The following ABLIM1 variants were observed in gnomAD, a reference collection of about 807,000 sequenced individuals.
The protein encoded by ABLIM1 is actin binding LIM protein 1, also known as actin-binding LIM protein 1.
ABLIM1 carries 40 observed loss-of-function variants against 107.0 expected under a neutral mutation model. The observed-to-expected ratio is 0.37, with a 90% CI of 0.29 to 0.49. The LOEUF (loss-of-function observed/expected upper bound fraction) is 0.49, where lower values mean the gene tolerates loss of function less well. ABLIM1 is among the 20% of genes least tolerant of loss of function. The pLI, the probability that ABLIM1 is intolerant of heterozygous loss-of-function variation, is 0.97. For missense variants in ABLIM1, 857 were observed against 1,008.5 expected, an observed-to-expected ratio of 0.85 and a Z score of 2.04; for synonymous variants, 357 against 357.3, an observed-to-expected ratio of 1.00 and a Z score of 0.01.
At chr10:114,481,917 T>C (rs2057435486) in intron 8 of ABLIM1, among the ~76,000 whole-genome samples, 1 of 152,240 alleles carries the variant, frequency 6.6e-6, no homozygotes, top group African/African-American at 2.4e-5. Context: ...ATTAGCTCCT[T>C]TAAAAATATA....
Position 114,526,231 on chromosome 10 carries a change from T to TC in ABLIM1, c.894+18773dup, listed in dbSNP as rs564021245. Among the ~76,000 whole-genome samples, 397 of 151,792 alleles carry TC rather than the reference T, an allele frequency of 2.6e-3. 4 individuals carry two copies. Among genetic ancestry groups the TC allele is most frequent in the African/African-American group, 9.3e-3 (385 of 41,340 alleles). On this transcript the variant is annotated intron_variant, in intron 6 of 22. Transcript: ENST00000533213. The stretch of plus-strand genomic sequence containing the variant: ...CCCACGTGCCACTTCCACCACCAAA[T>TC]CCCCCAAACAGGACTCAAATGTAAA...
intron 1 of ABLIM1, among the ~76,000 whole-genome samples, chr10:114,615,748 T>C (rs1488286407): frequency 6.6e-6 from 1 of 152,078 alleles, no homozygotes; most frequent in Non-Finnish European, 1.5e-5. Flanking sequence ...AGTTAGGTAA[T>C]TTGAATGATG....
Position 114,658,171 on chromosome 10 carries a change from C to T in ABLIM1, c.30G>A (p.Leu10=). Residue 10 remains leucine (L), a synonymous_variant, in exon 1 of 23, where the codon CTG becomes CTA. Coordinates refer to ENST00000533213, the MANE Select transcript of ABLIM1 (RefSeq NM_002313.7). MPAFLGLKC[L]GKLCSSEKSK... ...TTTTCTCAGAGCTGCACAATTTCCCCAGACACTTTAGACCAAGGAAGGCAG... is the reference window on the plus strand; with the variant it reads ...TTTTCTCAGAGCTGCACAATTTCCCTAGACACTTTAGACCAAGGAAGGCAG... 6.2e-7 allele frequency: 1 copy of T among 1,613,182 alleles called. No individual in the cohort carries two copies. Among genetic ancestry groups the T allele is most frequent in the South Asian group, 1.1e-5 (1 of 91,000 alleles).
In ABLIM1 at chr10:114,668,589, A is replaced by G. The variant is rs548432806; in HGVS notation, c.64+15701T>C. ...TAGAGCTCACGGAATCCTCCCACCT[A>G]AGCCGTATAGGTAGCTAGGACTACA... On this transcript the variant is annotated intron_variant, in intron 1 of 23. Coordinates refer to the ABLIM1 transcript ENST00000369256. Among the ~76,000 whole-genome samples, 139 of 152,236 alleles carry G rather than the reference A, an allele frequency of 9.1e-4. 5 individuals carry two copies. The South Asian group carries it at 0.026, about 28-fold the overall frequency.
chr10:114,578,542 G>T (rs2072930564), intron 2 of ABLIM1, among the ~76,000 whole-genome samples: 1 of 151,804 alleles, frequency 6.6e-6, no homozygotes, highest in African/African-American at 2.4e-5. Context: ...AAGTAGCTGG[G>T]ATTACAGGCA....
chr10:114,663,363 A>G (rs1472640572), intron 1 of ABLIM1, among the ~76,000 whole-genome samples: 1 of 152,212 alleles, frequency 6.6e-6, no homozygotes, highest in Non-Finnish European at 1.5e-5. Context: ...CCAGCTGCTA[A>G]GCTGCTGGAG....
intron 15 of ABLIM1, 106 bp from the exon 16 acceptor site, chr10:114,445,509 G>A (rs561216088): frequency 5.1e-5 from 45 of 880,588 alleles, no homozygotes; most frequent in South Asian, 8.3e-5. Flanking sequence ...GGTCAGCAAC[G>A]GTCTTTAACA....
At chr10:114,656,416 CAT>C (rs1269949945) in intron 1 of ABLIM1, among the ~76,000 whole-genome samples, 5 of 151,634 alleles carry the variant, frequency 3.3e-5, no homozygotes, top group Non-Finnish European at 5.9e-5. Flanking sequence ...GAAGGTTAGA[CAT>C]AGTTATTATA....
Position 114,632,720 on chromosome 10 carries a change from G to C in ABLIM1, c.244+25237C>G, listed in dbSNP as rs946664946. Reference sequence around the variant, plus strand: ...GTTAAAATCTGATTTATCCATGTAGGGGGGATTTTGACTTCCCCCTTCTCC... The same window carrying C: ...GTTAAAATCTGATTTATCCATGTAGCGGGGATTTTGACTTCCCCCTTCTCC... On this transcript the variant is annotated intron_variant, in intron 1 of 22. Coordinates refer to ENST00000533213, the MANE Select transcript of ABLIM1 (RefSeq NM_002313.7). 5 of 985,186 alleles carry C rather than the reference G, an allele frequency of 5.1e-6. No homozygotes were observed. The East Asian group carries it at 4.5e-4, about 89-fold the overall frequency. The allele number at this position is 985,186 out of a possible 1,614,324, so 61.0% of individuals were successfully genotyped here. A position where few individuals can be genotyped will look rare whatever the true frequency, so the allele number is the denominator to read the frequency against.
At chr10:114,716,913 T>C (rs1220465372) in intron 1 of ABLIM1, among the ~76,000 whole-genome samples, 1 of 151,668 alleles carries the variant, frequency 6.6e-6, no homozygotes, top group African/African-American at 2.4e-5. Flanking sequence ...TAATGAGAGC[T>C]GCCACATGAA....
chr10:114,560,099 C>T (rs1001859611), intron 4 of ABLIM1, among the ~76,000 whole-genome samples: 1 of 152,220 alleles, frequency 6.6e-6, no homozygotes. Flanking sequence ...GCCACCAATG[C>T]TTTCAAGATT....
chr10:114,672,357 T>G (rs1421246312), intron 1 of ABLIM1, among the ~76,000 whole-genome samples: 1 of 152,056 alleles, frequency 6.6e-6, no homozygotes, highest in African/African-American at 2.4e-5. Flanking sequence ...TGTGCCACCA[T>G]GCCCAGCTAA....
At chr10:114,645,163 A>G (rs2078959227) in intron 1 of ABLIM1, among the ~76,000 whole-genome samples, 1 of 152,180 alleles carries the variant, frequency 6.6e-6, no homozygotes, top group Non-Finnish European at 1.5e-5. Flanking sequence ...ACTCGCCTCT[A>G]CAAGTCAGAT....
chr10:114,654,286 T>C (rs1204370746), intron 1 of ABLIM1, among the ~76,000 whole-genome samples: 1 of 152,202 alleles, frequency 6.6e-6, no homozygotes, highest in Non-Finnish European at 1.5e-5. Flanking sequence ...TTTTTAACAA[T>C]AATAAACAAT....
chr10:114,584,089 C>T (rs575302146), intron 2 of ABLIM1, among the ~76,000 whole-genome samples: 1 of 151,576 alleles, frequency 6.6e-6, no homozygotes, highest in African/African-American at 2.4e-5. Context: ...ATGTAGCAAA[C>T]CTGCACATGT....
At chr10:114,705,035 CT>C (rs956811657) in intron 1 of ABLIM1, among the ~76,000 whole-genome samples, 5 of 149,260 alleles carry the variant, frequency 3.3e-5, no homozygotes, top group South Asian at 2.1e-4. Context: ...AGTTCAAGTT[CT>C]TTTTTTTTTC....
At chr10:114,440,927 A>G (rs1396987665) in intron 19 of ABLIM1, 90 bp downstream of exon 19, 1 of 1,240,902 alleles carries the variant, frequency 8.1e-7, no homozygotes, top group African/African-American at 1.5e-5. Flanking sequence ...GATACAATAC[A>G]GCATGAACAC....
At chr10:114,534,071 T>C (rs903206924) in intron 6 of ABLIM1, among the ~76,000 whole-genome samples, 1 of 152,130 alleles carries the variant, frequency 6.6e-6, no homozygotes, top group Admixed American at 6.5e-5. Context: ...GTGGAATTCA[T>C]TGAAGATCAC....
intron 1 of ABLIM1, among the ~76,000 whole-genome samples, chr10:114,647,211 C>T (rs2079048357): frequency 6.9e-6 from 1 of 145,766 alleles, no homozygotes; most frequent in African/African-American, 2.8e-5. Flanking sequence ...TTGGGCCAGA[C>T]TGGTCTTGAA....
Sources: gnomAD v4.1 joint callset for allele counts (sites outside exome capture counted in the v4.1 genomes callset) on GRCh38, gnomAD v4.1.1 for gene constraint, MANE v1.5 for transcripts, NCBI Gene and HGNC (gene_info 2026-07-23, HGNC 2026-07-21) for gene names.